Variants in ACTN4 observed in about 807,000 individuals in gnomAD.
ACTN4 encodes alpha-actinin-4.
Under a neutral mutation model 114.2 loss-of-function variants are expected in ACTN4, and 18 were observed. The observed-to-expected ratio is 0.16, with a 90% confidence interval of 0.11 to 0.23. The LOEUF is 0.23. Ranked by LOEUF, ACTN4 falls within the 10% of genes least tolerant of loss-of-function variation. The probability of loss-of-function intolerance (pLI) is 1.00; values close to 1 mark genes in which losing one functional copy is unlikely to be tolerated. For synonymous variants in ACTN4, 515 were observed against 506.3 expected, an observed-to-expected ratio of 1.02 and a Z score of -0.23; for missense variants, 722 against 1,262.9, an observed-to-expected ratio of 0.57 and a Z score of 6.49.
chr19:38,662,977 T>G (rs938067464), intron 1 of ACTN4, among the ~76,000 whole-genome samples: 2 of 152,010 alleles, frequency 1.3e-5, no homozygotes, highest in Non-Finnish European at 2.9e-5. Flanking sequence ...TGTCACAATC[T>G]TGGCTCACTG....
At chr19:38,698,813 G>A (rs1431738230) in intron 1 of ACTN4, among the ~76,000 whole-genome samples, 2 of 152,202 alleles carry the variant, frequency 1.3e-5, no homozygotes, top group Non-Finnish European at 2.9e-5. Flanking sequence ...CCCCATGCTG[G>A]GTCCACACTG....
intron 1 of ACTN4, among the ~76,000 whole-genome samples, chr19:38,680,314 C>T (rs1967524564): frequency 6.6e-6 from 1 of 150,482 alleles, no homozygotes; most frequent in Non-Finnish European, 1.5e-5. Flanking sequence ...CTGCAACCTC[C>T]ACCTCCTGGG....
rs549211840 is a variant in ACTN4 at position 38,730,306 on chromosome 19, T to C, written c.*874T>C. Reference sequence around the variant, plus strand: ...CATAATGAAGACATAGCCGATTCTCTGCCCGGGCCCCTTGCTGATGCTCCT... The same window carrying C: ...CATAATGAAGACATAGCCGATTCTCCGCCCGGGCCCCTTGCTGATGCTCCT... On this transcript the variant is annotated 3_prime_UTR_variant, in exon 21 of 21. Coordinates refer to ENST00000252699, the MANE Select transcript of ACTN4 (RefSeq NM_004924.6). 1.1e-4 allele frequency: 18 copies of C among 163,564 alleles called. No homozygotes were observed. Among genetic ancestry groups the C allele is most frequent in the Non-Finnish European group, 2.4e-4 (18 of 74,342 alleles). 10.1% of individuals were successfully genotyped at this position (163,564 alleles called of 1,614,324 possible).
At chr19:38,677,728 C>T (rs1233919619) in intron 1 of ACTN4, among the ~76,000 whole-genome samples, 6 of 152,150 alleles carry the variant, frequency 3.9e-5, no homozygotes, top group Non-Finnish European at 5.9e-5. Flanking sequence ...AAACAGGATG[C>T]GATGCTTTTC....
intron 3 of ACTN4, among the ~76,000 whole-genome samples, chr19:38,703,482 C>T (rs975984088): frequency 5.4e-4 from 82 of 152,282 alleles, no homozygotes; most frequent in Middle Eastern, 3.4e-3. Flanking sequence ...AGGCGATCCA[C>T]ACCTGCCTCA....
intron 1 of ACTN4, among the ~76,000 whole-genome samples, chr19:38,671,860 C>T (rs1389135823): frequency 6.6e-6 from 1 of 152,246 alleles, no homozygotes; most frequent in African/African-American, 2.4e-5. Flanking sequence ...TACCTCTGCA[C>T]TGGCTTGAGT....
rs146499679 is a variant in ACTN4, at chr19:38,700,650, C to A, written c.213C>A (p.Ile71=). Residue 71 remains isoleucine, a synonymous_variant, in exon 2 of 21, where the codon ATC becomes ATA. Coordinates refer to ENST00000252699, the MANE Select transcript of ACTN4 (RefSeq NM_004924.6). ...ACCTGCGGAAGGCAGGCACACAGAT[C>A]GAGAACATTGATGAGGACTTCCGAG... The part of the protein sequence containing the change: ...NSHLRKAGTQ[I]ENIDEDFRDG... The A allele has an allele frequency of 2.5e-6, 4 of 1,614,188 alleles. No individual in the cohort carries two copies. The South Asian group carries it at 3.3e-5, about 13-fold the overall frequency.
chr19:38,650,856 C>T (rs1156253456), intron 1 of ACTN4, among the ~76,000 whole-genome samples: 3 of 152,174 alleles, frequency 2.0e-5, no homozygotes. Context: ...CTGCCTCAGC[C>T]TCCCGAGTAG....
At chr19:38,696,992 C>T (rs1459352892) in intron 1 of ACTN4, among the ~76,000 whole-genome samples, 1 of 152,224 alleles carries the variant, frequency 6.6e-6, no homozygotes, top group Non-Finnish European at 1.5e-5. Flanking sequence ...TGTTTAATCC[C>T]TATCTTAACC....
chr19:38,696,364 C>A (rs12971309), intron 1 of ACTN4, among the ~76,000 whole-genome samples: 8,534 of 152,124 alleles, frequency 0.056, 256 homozygotes, highest in South Asian at 0.095. Context: ...GTCGGCTGCC[C>A]ACATTCTGAG....
Position 38,673,390 on chromosome 19 carries a change from C to T in ACTN4, c.162+25483C>T, listed in dbSNP as rs1392296478. Reference sequence around the variant, plus strand: ...GACAATAGGCATTAAAAAATACCAACAATGAAAACCCAAGACATACATAGA... The same window carrying T: ...GACAATAGGCATTAAAAAATACCAATAATGAAAACCCAAGACATACATAGA... On this transcript the variant is annotated intron_variant, in intron 1 of 20. Coordinates refer to ENST00000252699, the MANE Select transcript of ACTN4 (RefSeq NM_004924.6). Among the ~76,000 whole-genome samples, 3 of 145,320 alleles carry T rather than the reference C, an allele frequency of 2.1e-5. No individual in the cohort carries two copies. In the East Asian group the frequency reaches 5.9e-4, roughly 29 times the overall value.
chr19:38,716,988 T>C, intron 9 of ACTN4, 98 bp from the exon 10 acceptor site: 2 of 1,358,368 alleles, frequency 1.5e-6, no homozygotes, highest in African/African-American at 2.9e-5. Context: ...GGTGGGGCCC[T>C]CAAAGATCCA....
intron 8 of ACTN4, among the ~76,000 whole-genome samples, chr19:38,713,432 T>G (rs1968730994): frequency 6.6e-6 from 1 of 152,194 alleles, no homozygotes; most frequent in African/African-American, 2.4e-5. Context: ...CAGCCCTGGC[T>G]GTGTTTTCCA....
Position 38,724,385 on chromosome 19 carries a change from G to C in ACTN4, c.1875+46G>C, listed in dbSNP as rs2145093085. The C allele has an allele frequency of 1.2e-6, 2 of 1,611,520 alleles. No homozygotes were observed. Among genetic ancestry groups the C allele is most frequent in the Non-Finnish European group, 1.7e-6 (2 of 1,179,292 alleles). ...GGGGCTGGGGCAGGACGGCGGGGCT[G>C]GGGGCCACCTCCCTGACCGCTCCCA... On this transcript the variant is annotated intron_variant, in intron 15 of 20. Coordinates refer to ENST00000252699, the MANE Select transcript of ACTN4 (RefSeq NM_004924.6). This position sits in a 1 kb window ranked among gnomAD's most constrained non-coding sequence, Gnocchi z 7.0.
intron 1 of ACTN4, among the ~76,000 whole-genome samples, chr19:38,689,132 A>G (rs1334438326): frequency 6.6e-6 from 1 of 152,242 alleles, no homozygotes; most frequent in African/African-American, 2.4e-5. Flanking sequence ...TTGTACATGA[A>G]TATTCACGGT....
intron 8 of ACTN4, among the ~76,000 whole-genome samples, chr19:38,713,507 G>A (rs978951064): frequency 1.3e-5 from 2 of 152,152 alleles, no homozygotes; most frequent in Non-Finnish European, 2.9e-5. Flanking sequence ...GAGGAGCACC[G>A]CCTGGGGCCC....
intron 1 of ACTN4, among the ~76,000 whole-genome samples, chr19:38,674,507 C>T (rs897309926): frequency 3.3e-5 from 5 of 152,258 alleles, no homozygotes; most frequent in African/African-American, 9.6e-5. Context: ...ATATCTGTTT[C>T]GATGCTGGGA....
chr19:38,690,486 G>T (rs1367748609), intron 1 of ACTN4, among the ~76,000 whole-genome samples: 3 of 152,196 alleles, frequency 2.0e-5, no homozygotes, highest in Non-Finnish European at 2.9e-5. Flanking sequence ...ATGACCCACG[G>T]CTTCTAATAG....
chr19:38,694,920 G>A (rs973320462), intron 1 of ACTN4, among the ~76,000 whole-genome samples: 3 of 152,272 alleles, frequency 2.0e-5, no homozygotes, highest in Non-Finnish European at 4.4e-5. Context: ...TGTCACCGAG[G>A]CTGGAGTGCA....
Sources: allele counts gnomAD v4.1 joint callset (sites outside exome capture counted in the v4.1 genomes callset), GRCh38; gene constraint gnomAD v4.1.1; non-coding constraint Gnocchi (gnomAD v3.1); transcripts MANE v1.5; gene names NCBI Gene and HGNC (gene_info 2026-07-23, HGNC 2026-07-21).